PPFIBP2: variants seen among roughly 807,000 people sequenced by gnomAD.
PPFIBP2 encodes the protein PPFIB scaffold protein 2.
PPFIBP2 carries 118 observed loss-of-function variants against 118.3 expected under a neutral mutation model. That is an observed-to-expected ratio of 1.00 (90% CI 0.86 to 1.16). The LOEUF (loss-of-function observed/expected upper bound fraction) is 1.16, where lower values mean the gene tolerates loss of function less well. Among genes scored for constraint, PPFIBP2 ranks in the 50% most tolerant of loss-of-function variants. The pLI, the probability that PPFIBP2 is intolerant of heterozygous loss-of-function variation, is 0.00. For synonymous variants in PPFIBP2, 414 were observed against 397.4 expected (o/e 1.04, Z -0.50); for missense variants, 1,195 against 1,073.1 (o/e 1.11, Z -1.59).
chr11:7,584,215 C>G (rs1565005552), intron 3 of PPFIBP2, among the ~76,000 whole-genome samples: 4 of 152,188 alleles, frequency 2.6e-5, no homozygotes, highest in African/African-American at 7.2e-5. Flanking sequence ...CAAGTCATTT[C>G]ATAAATACAT....
rs749793025 is a variant in PPFIBP2, at chr11:7,639,835, A to G, written c.1340A>G (p.Gln447Arg). ...EAAKSPPTIC[Q>R]PDATGSSLLR... is the part of the protein sequence containing the mutation. ...GCCAAATCTCCTCCCACCATCTGCCAGCCTGACGCCACGGGGAGCAGCCTG... is the reference window on the plus strand; with the variant it reads ...GCCAAATCTCCTCCCACCATCTGCCGGCCTGACGCCACGGGGAGCAGCCTG... Residue 447 changes from glutamine to arginine, a missense_variant, in exon 15 of 24, where the codon CAG becomes CGG. Transcript: ENST00000299492. The G allele has an allele frequency of 6.2e-7, 1 of 1,614,190 alleles. No homozygotes were observed. Among genetic ancestry groups the G allele is most frequent in the Non-Finnish European group, 8.5e-7 (1 of 1,180,044 alleles).
intron 5 of PPFIBP2, among the ~76,000 whole-genome samples, chr11:7,598,970 T>TTTATCTTTTCA (rs1860910309): frequency 6.6e-6 from 1 of 152,178 alleles, no homozygotes; most frequent in Admixed American, 6.5e-5. Flanking sequence ...GGAACTTTTG[T>TTTATCTTTTCA]TTGTTATCTT....
intron 9 of PPFIBP2, among the ~76,000 whole-genome samples, chr11:7,628,617 C>T (rs1850338092): frequency 6.6e-6 from 1 of 152,172 alleles, no homozygotes; most frequent in African/African-American, 2.4e-5. Context: ...AAAAATACTG[C>T]TGTGATCACT....
At chr11:7,568,048 G>C (rs1855207929) in intron 3 of PPFIBP2, among the ~76,000 whole-genome samples, 1 of 152,192 alleles carries the variant, frequency 6.6e-6, no homozygotes, top group Non-Finnish European at 1.5e-5. Flanking sequence ...CATGATGTCT[G>C]TGCATCCCTT....
At position 7,649,023 on chromosome 11, in the gene PPFIBP2, AG is replaced by A. The variant is rs1252252803; in HGVS notation, c.1909+114del. 3 of 1,325,346 alleles carry A rather than the reference AG, an allele frequency of 2.3e-6. No homozygotes were observed. In the East Asian group the frequency reaches 7.0e-5, roughly 31 times the overall value. 82.1% of individuals were successfully genotyped at this position (1,325,346 alleles called of 1,614,324 possible). ...ACAGCTGTCTCCTTGTAAAAAGCAG[AG>A]GAATTACTAAACTTTTGGGGGAATA... On this transcript the variant is annotated intron_variant, in intron 19 of 23. Coordinates refer to ENST00000299492, the MANE Select transcript of PPFIBP2 (RefSeq NM_003621.5).
intron 1 of PPFIBP2, among the ~76,000 whole-genome samples, chr11:7,545,746 C>T (rs1483103565): frequency 6.6e-6 from 1 of 152,130 alleles, no homozygotes; most frequent in East Asian, 1.9e-4. Flanking sequence ...AAAGGGGCAA[C>T]TTTTGTTATT....
chr11:7,521,204 A>G (rs1849725316), intron 1 of PPFIBP2, among the ~76,000 whole-genome samples: 1 of 152,230 alleles, frequency 6.6e-6, no homozygotes, highest in Non-Finnish European at 1.5e-5. Flanking sequence ...AAAGCTGAGC[A>G]TTCATTGTGC....
At chr11:7,615,892 G>A (rs760585873) in intron 6 of PPFIBP2, among the ~76,000 whole-genome samples, 5 of 152,140 alleles carry the variant, frequency 3.3e-5, no homozygotes, top group South Asian at 2.1e-4. Flanking sequence ...GGGAACTGTC[G>A]AATAGAGGAA....
intron 14 of PPFIBP2, among the ~76,000 whole-genome samples, chr11:7,638,164 G>A (rs1375628833): frequency 6.6e-6 from 1 of 152,182 alleles, no homozygotes; most frequent in Admixed American, 6.5e-5. Flanking sequence ...TAGACATCTG[G>A]GGTGTGCTTC....
At position 7,565,659 on chromosome 11, in the gene PPFIBP2, G is replaced by T. The variant is rs745938437; in HGVS notation, c.171G>T (p.Leu57Phe). 6.2e-7 allele frequency: 1 copy of T among 1,614,186 alleles called. No homozygotes were observed. The highest frequency in any genetic ancestry group is 8.5e-7 in the Non-Finnish European group (1 of 1,180,016). The change falls in exon 3 of 24, where the codon TTG becomes TTT. Residue 57 changes from leucine to phenylalanine, a missense_variant. Leu to Phe is a conservative substitution (Grantham distance 22). Coordinates refer to ENST00000299492, the MANE Select transcript of PPFIBP2 (RefSeq NM_003621.5). Reference protein sequence around the residue: ...PFPVLHLIEDLRLALEMLELP... With the variant: ...PFPVLHLIEDFRLALEMLELP... ...CGGTGCTCCATCTCATCGAGGACTT[G>T]AGGCTGGCCTTGGAGATGCTGGAGC...
intron 14 of PPFIBP2, 93 bp downstream of exon 14, chr11:7,635,686 G>A (rs959502069): frequency 2.9e-6 from 4 of 1,391,628 alleles, no homozygotes; most frequent in Non-Finnish European, 4.1e-6. Flanking sequence ...ACCTTAAAAT[G>A]TGCCAACTGT....
chr11:7,633,160 T>C (rs568824838), intron 12 of PPFIBP2, among the ~76,000 whole-genome samples: 9 of 152,288 alleles, frequency 5.9e-5, no homozygotes, highest in East Asian at 1.9e-4. Context: ...TGAGAAAGGA[T>C]CTGGCCAAGG....
At chr11:7,522,507 C>T (rs984542141) in intron 1 of PPFIBP2, among the ~76,000 whole-genome samples, 63 of 152,200 alleles carry the variant, frequency 4.1e-4, no homozygotes, top group Non-Finnish European at 5.4e-4. Flanking sequence ...GATTGTAGAA[C>T]CCAGGTCTAC....
intron 8 of PPFIBP2, among the ~76,000 whole-genome samples, chr11:7,627,144 C>T (rs901295888): frequency 6.6e-6 from 1 of 152,218 alleles, no homozygotes; most frequent in Non-Finnish European, 1.5e-5. Flanking sequence ...CCAGGCCCTA[C>T]CCCACTCCAT....
chr11:7,557,826 T>C (rs1195909091), intron 2 of PPFIBP2, among the ~76,000 whole-genome samples: 1 of 152,186 alleles, frequency 6.6e-6, no homozygotes, highest in East Asian at 1.9e-4. Flanking sequence ...TCTAATGAAC[T>C]CTCAGGTTTT....
rs186457382 is a variant in PPFIBP2, at chr11:7,652,559, A to G, written c.2437-465A>G. Among the ~76,000 whole-genome samples the G allele has an allele frequency of 6.5e-4, 99 of 152,336 alleles. No individual in the cohort carries two copies. The East Asian group carries it at 0.017, about 26-fold the overall frequency. On this transcript the variant is annotated intron_variant, in intron 23 of 23. Coordinates refer to ENST00000299492, the MANE Select transcript of PPFIBP2 (RefSeq NM_003621.5). ...GACAGGAAGTATGTCTGGGGGAGTCAGGCAGAAACAGTGCTGGATGACGCT... is the reference window on the plus strand; with the variant it reads ...GACAGGAAGTATGTCTGGGGGAGTCGGGCAGAAACAGTGCTGGATGACGCT...
intron 3 of PPFIBP2, among the ~76,000 whole-genome samples, chr11:7,577,995 C>A (rs1455982985): frequency 6.6e-6 from 1 of 152,214 alleles, no homozygotes; most frequent in African/African-American, 2.4e-5. Context: ...GAGGAAGCTG[C>A]TGCCTTTTTA....
At position 7,642,394 on chromosome 11, in the gene PPFIBP2, C is replaced by G; in HGVS notation, c.1614C>G (p.Leu538=). 1 of 1,614,000 alleles carries G rather than the reference C, an allele frequency of 6.2e-7. No homozygotes were observed. Among genetic ancestry groups the G allele is most frequent in the Non-Finnish European group, 8.5e-7 (1 of 1,179,938 alleles). The part of the protein sequence containing the change: ...GGLRATAGPR[L]SRTRDSKGQK... ...TCCGGGCAACCGCAGGGCCAAGACT[C>G]TCTAGGACCAGGGACTCCAAGGGAC... is the stretch of plus-strand genomic sequence containing the variant. Residue 538 remains leucine (L), a synonymous_variant, in exon 17 of 24, where the codon CTC becomes CTG. Coordinates refer to ENST00000299492, the MANE Select transcript of PPFIBP2 (RefSeq NM_003621.5).
At chr11:7,621,807 A>C (rs1849393119) in intron 7 of PPFIBP2, among the ~76,000 whole-genome samples, 1 of 152,230 alleles carries the variant, frequency 6.6e-6, no homozygotes, top group Admixed American at 6.5e-5. Context: ...GTGCCACCCA[A>C]GGGCATTACT....
Sources: allele counts gnomAD v4.1 joint callset (sites outside exome capture counted in the v4.1 genomes callset), GRCh38; gene constraint gnomAD v4.1.1; transcripts MANE v1.5; gene names NCBI Gene and HGNC (gene_info 2026-07-23, HGNC 2026-07-21).